The following SHTN1 variants were observed in gnomAD, a reference collection of about 807,000 sequenced individuals.
The protein encoded by SHTN1 is shootin-1.
SHTN1 carries 42 observed loss-of-function variants against 83.1 expected under a neutral mutation model. That is an observed-to-expected ratio of 0.51 (90% confidence interval 0.39 to 0.65). The LOEUF (loss-of-function observed/expected upper bound fraction) is 0.65. Among genes scored for constraint, SHTN1 ranks in the 30% least tolerant of loss-of-function variants. The pLI is 0.00. For missense variants in SHTN1, 622 were observed against 737.8 expected, an observed-to-expected ratio of 0.84 and a Z score of 1.82; for synonymous variants, 224 against 247.7, an observed-to-expected ratio of 0.90 and a Z score of 0.90.
At chr10:117,094,330 T>C (rs998228331) in intron 1 of SHTN1, among the ~76,000 whole-genome samples, 9 of 152,232 alleles carry the variant, frequency 5.9e-5, no homozygotes, top group African/African-American at 1.9e-4. Flanking sequence ...TCATCAGCAC[T>C]GTAGGAAGAT....
chr10:116,963,135 A>G lies in SHTN1; in HGVS notation c.173-2905T>C, dbSNP rs559773000. Reference sequence around the variant, plus strand: ...GGCCCAGGCTGGAGTGCAGTGGCGCAATCTCGGCTCACTGCAAGCTCCGCC... The same window carrying G: ...GGCCCAGGCTGGAGTGCAGTGGCGCGATCTCGGCTCACTGCAAGCTCCGCC... On this transcript the variant is annotated intron_variant, in intron 3 of 16. Coordinates refer to ENST00000355371, the MANE Select transcript of SHTN1 (RefSeq NM_001127211.3). Among the ~76,000 whole-genome samples the G allele has an allele frequency of 2.4e-3, 268 of 113,844 alleles. 1 individual carries two copies. Among genetic ancestry groups the G allele is most frequent in the Non-Finnish European group, 3.5e-3 (209 of 59,970 alleles). 74.7% of individuals were successfully genotyped at this position (113,844 alleles called of 152,430 possible).
intron 16 of SHTN1, chr10:116,901,542 A>G (rs891449327): frequency 1.0e-6 from 1 of 985,266 alleles, no homozygotes; most frequent in African/African-American, 1.7e-5. Flanking sequence ...AAACCAGTTT[A>G]GGGGAAGTAA....
chr10:117,067,805 G>A (rs1338798429), intron 1 of SHTN1, among the ~76,000 whole-genome samples: 1 of 152,144 alleles, frequency 6.6e-6, no homozygotes, highest in East Asian at 1.9e-4. Flanking sequence ...AGGAGATAGA[G>A]TTGACAGTAT....
intron 1 of SHTN1, among the ~76,000 whole-genome samples, chr10:117,069,190 A>G (rs1853045786): frequency 6.6e-6 from 1 of 152,184 alleles, no homozygotes. Flanking sequence ...GGAATAATCA[A>G]TAATGTCAAG....
In SHTN1 at chr10:116,927,826, G is replaced by A. The variant is rs1848802616; in HGVS notation, c.1078C>T (p.Pro360Ser). 1.2e-6 allele frequency: 2 copies of A among 1,605,826 alleles called. No individual in the cohort carries two copies. Among genetic ancestry groups the A allele is most frequent in the African/African-American group, 2.7e-5 (2 of 74,462 alleles). ...NSVPPPPPPP[P>S]PLPPPPPNPI... Reference sequence around the variant, plus strand: ...TTGGGAGGTGGAGGGGGAAGTGGTGGTGGAGGAGGAGGTGGTGGAGGTACT... The same window carrying A: ...TTGGGAGGTGGAGGGGGAAGTGGTGATGGAGGAGGAGGTGGTGGAGGTACT... The change falls in exon 11 of 17, where the codon CCA (proline) becomes TCA (serine). Residue 360 changes from proline to serine, a missense_variant. Pro to Ser is a moderately conservative substitution (Grantham distance 74). Coordinates refer to ENST00000355371, the MANE Select transcript of SHTN1 (RefSeq NM_001127211.3).
intron 15 of SHTN1, 75 bp downstream of exon 15, chr10:116,906,552 T>C: frequency 4.2e-6 from 6 of 1,415,080 alleles, no homozygotes; most frequent in Non-Finnish European, 5.7e-6. Context: ...AAAGATTGTT[T>C]CATGTAAAAA....
At chr10:117,012,234 A>G (rs1190734086) in intron 2 of SHTN1, among the ~76,000 whole-genome samples, 4 of 152,078 alleles carry the variant, frequency 2.6e-5, no homozygotes, top group Non-Finnish European at 4.4e-5. Context: ...TGCAATCCCA[A>G]TCCAAATCCA....
chr10:116,968,019 T>A (rs1850461973), intron 3 of SHTN1, among the ~76,000 whole-genome samples: 1 of 152,044 alleles, frequency 6.6e-6, no homozygotes, highest in African/African-American at 2.4e-5. Flanking sequence ...CCGTCTCTAC[T>A]AAAAATACAA....
intron 2 of SHTN1, among the ~76,000 whole-genome samples, chr10:117,030,381 G>T (rs565087060): frequency 4.1e-4 from 62 of 152,160 alleles, no homozygotes; most frequent in African/African-American, 1.4e-3. Context: ...TCCCAAGAAG[G>T]ACAGGTATAA....
rs779252739 is a variant in SHTN1, at chr10:116,973,872, G to A, written c.112-5160C>T. The A allele has an allele frequency of 2.5e-5, 32 of 1,285,176 alleles. 1 individual carries two copies. The South Asian group carries it at 3.3e-4, about 13-fold the overall frequency. 79.6% of individuals were successfully genotyped at this position (1,285,176 alleles called of 1,614,324 possible). ...CCTGTTTACCTGTTTAAGAATCCTT[G>A]GCATACAATGAAAGGACCATCAATT... On this transcript the variant is annotated intron_variant, in intron 2 of 16. Transcript: ENST00000355371.
chr10:116,932,627 C>T (rs962043833), intron 9 of SHTN1, among the ~76,000 whole-genome samples: 2 of 152,096 alleles, frequency 1.3e-5, no homozygotes, highest in African/African-American at 4.8e-5. Context: ...TTAAGGTAGG[C>T]TAGGCTGAAC....
intron 15 of SHTN1, among the ~76,000 whole-genome samples, chr10:116,904,420 G>T (rs981858607): frequency 6.6e-6 from 1 of 150,632 alleles, no homozygotes; most frequent in Non-Finnish European, 1.5e-5. Context: ...GTAAGAGTTT[G>T]TAAGTTTGTT....
At chr10:117,037,611 T>G (rs1439994382) in intron 2 of SHTN1, among the ~76,000 whole-genome samples, 1 of 152,084 alleles carries the variant, frequency 6.6e-6, no homozygotes, top group Non-Finnish European at 1.5e-5. Context: ...TATTGAAGGA[T>G]AAGAACGCAG....
intron 16 of SHTN1, among the ~76,000 whole-genome samples, chr10:116,894,109 TTGAC>T (rs1204635890): frequency 1.3e-5 from 2 of 152,202 alleles, no homozygotes. Flanking sequence ...ATGGAAATGT[TTGAC>T]TGGTCACACC....
chr10:117,047,353 C>A lies in SHTN1; in HGVS notation c.-123+1092G>T, dbSNP rs576622899. Among the ~76,000 whole-genome samples, 112 of 151,378 alleles carry A rather than the reference C, an allele frequency of 7.4e-4. 2 individuals are homozygous for A. The South Asian group carries it at 0.022, about 30-fold the overall frequency. ...GTGCTGGGATTACAGGCGTGAGCCACCATGCCCAGCCCTCAAAAATATTTT... is the reference window on the plus strand; with the variant it reads ...GTGCTGGGATTACAGGCGTGAGCCAACATGCCCAGCCCTCAAAAATATTTT... On this transcript the variant is annotated intron_variant, in intron 2 of 17. Transcript: ENST00000392901.
intron 3 of SHTN1, among the ~76,000 whole-genome samples, chr10:116,966,763 G>A (rs1305882333): frequency 1.3e-5 from 2 of 152,078 alleles, no homozygotes; most frequent in Non-Finnish European, 2.9e-5. Context: ...CCAACCATAA[G>A]GAACTTGAAC....
intron 1 of SHTN1, among the ~76,000 whole-genome samples, chr10:117,119,897 G>A (rs909333569): frequency 1.3e-5 from 2 of 151,982 alleles, no homozygotes; most frequent in Non-Finnish European, 2.9e-5. Context: ...GGAACTGGAG[G>A]TCATTACGTT....
At chr10:117,083,672 C>T (rs1423779032) in intron 1 of SHTN1, among the ~76,000 whole-genome samples, 2 of 151,742 alleles carry the variant, frequency 1.3e-5, no homozygotes, top group Non-Finnish European at 2.9e-5. Context: ...TTCAGGTACA[C>T]CAGTCAGACG....
Position 117,032,906 on chromosome 10 carries a change from A to G in SHTN1, c.-123+15539T>C, listed in dbSNP as rs144626204. Reference sequence around the variant, plus strand: ...GAGGAATTTTGGAAACTATACAAATACATGTAAATTAATCAATATGCTCCT... The same window carrying G: ...GAGGAATTTTGGAAACTATACAAATGCATGTAAATTAATCAATATGCTCCT... On this transcript the variant is annotated intron_variant, in intron 2 of 17. Transcript: ENST00000392901. Among the ~76,000 whole-genome samples, 68 of 152,344 alleles carry G rather than the reference A, an allele frequency of 4.5e-4. 1 individual carries two copies. The East Asian group carries it at 0.012, about 27-fold the overall frequency.
Sources: gnomAD v4.1 joint callset for allele counts (sites outside exome capture counted in the v4.1 genomes callset) on GRCh38, gnomAD v4.1.1 for gene constraint, MANE v1.5 for transcripts, NCBI Gene and HGNC (gene_info 2026-07-23, HGNC 2026-07-21) for gene names.